Variants in DNAJC11 observed in about 807,000 individuals in gnomAD.
The protein encoded by DNAJC11 is DnaJ heat shock protein family (Hsp40) member C11.
Under a neutral mutation model 78.6 loss-of-function variants are expected in DNAJC11, and 15 were observed. That is an observed-to-expected ratio of 0.19 (90% CI 0.13 to 0.29). The LOEUF (loss-of-function observed/expected upper bound fraction) is 0.29, where lower values mean the gene tolerates loss of function less well. Among genes scored for constraint, DNAJC11 ranks in the 10% least tolerant of loss-of-function variants. The pLI is 1.00. For missense variants in DNAJC11, 547 were observed against 709.6 expected (o/e 0.77, Z 2.60); for synonymous variants, 292 against 272.1 (o/e 1.07, Z -0.72).
At chr1:6,676,661 C>T (rs969908224) in intron 3 of DNAJC11, among the ~76,000 whole-genome samples, 4 of 151,988 alleles carry the variant, frequency 2.6e-5, no homozygotes, top group African/African-American at 9.7e-5. Context: ...GCCTGGGCGA[C>T]AGAGCACGCG....
At chr1:6,675,883 G>C (rs1448546074) in intron 3 of DNAJC11, among the ~76,000 whole-genome samples, 1 of 152,180 alleles carries the variant, frequency 6.6e-6, no homozygotes, top group Non-Finnish European at 1.5e-5. Flanking sequence ...CCTAGTCTTT[G>C]AAGAGGGAAT....
At chr1:6,663,906 G>A (rs1642256462) in intron 4 of DNAJC11, among the ~76,000 whole-genome samples, 1 of 152,210 alleles carries the variant, frequency 6.6e-6, no homozygotes, top group African/African-American at 2.4e-5. Flanking sequence ...ATGCAGAAGG[G>A]ACTTGATCAA....
At chr1:6,682,705 A>G (rs1031757146) in intron 1 of DNAJC11, among the ~76,000 whole-genome samples, 2 of 152,204 alleles carry the variant, frequency 1.3e-5, no homozygotes, top group Admixed American at 1.3e-4. Flanking sequence ...AGGTGGGCAG[A>G]TTGCTTGAGC....
At chr1:6,654,697 C>T (rs1642101754) in intron 4 of DNAJC11, among the ~76,000 whole-genome samples, 1 of 152,094 alleles carries the variant, frequency 6.6e-6, no homozygotes, top group Admixed American at 6.5e-5. Flanking sequence ...TTATCTTAAT[C>T]CAGTATATAA....
At chr1:6,682,107 C>T (rs1358713407) in intron 1 of DNAJC11, among the ~76,000 whole-genome samples, 1 of 131,220 alleles carries the variant, frequency 7.6e-6, no homozygotes, top group African/African-American at 2.9e-5. Flanking sequence ...GCCTGGAACA[C>T]AGATCCTCAA....
chr1:6,680,892 C>A lies in DNAJC11; in HGVS notation c.202+16G>T. The A allele has an allele frequency of 6.2e-7, 1 of 1,610,230 alleles. No individual in the cohort carries two copies. Among genetic ancestry groups the A allele is most frequent in the East Asian group, 2.2e-5 (1 of 44,824 alleles). On this transcript the variant is annotated intron_variant, in intron 2 of 15. Transcript: ENST00000377577. The surrounding 1 kb of genome is among the most constrained non-coding windows in gnomAD (Gnocchi z 4.0). ...TGTTACCAGGATGTTTCTACAAAGT[C>A]CGGCCCTCCACTGACCTTCATAAGC...
Position 6,636,241 on chromosome 1 carries a change from C to T in DNAJC11, c.1530G>A (p.Gly510=), listed in dbSNP as rs780134969. ...KLILTEASKA[G]LPGFYDPCVG... Reference sequence around the variant, plus strand: ...CACACGGGTCATAAAAGCCAGGCAGCCCAGCCTGTAACAAACAAATTGCTA... The same window carrying T: ...CACACGGGTCATAAAAGCCAGGCAGTCCAGCCTGTAACAAACAAATTGCTA... Residue 510 remains glycine, a synonymous_variant, in exon 15 of 16, where the codon GGG becomes GGA. Transcript: ENST00000377577. 1.9e-6 allele frequency: 3 copies of T among 1,613,964 alleles called. No individual in the cohort carries two copies. Among genetic ancestry groups the T allele is most frequent in the Non-Finnish European group, 2.5e-6 (3 of 1,179,984 alleles).
At chr1:6,663,237 T>C (rs1336536068) in intron 4 of DNAJC11, among the ~76,000 whole-genome samples, 2 of 152,170 alleles carry the variant, frequency 1.3e-5, no homozygotes, top group East Asian at 1.9e-4. Context: ...TATTTTGTCA[T>C]AGGGTCAAAA....
intron 14 of DNAJC11, among the ~76,000 whole-genome samples, chr1:6,636,541 C>T (rs1641772183): frequency 6.6e-6 from 1 of 152,154 alleles, no homozygotes; most frequent in African/African-American, 2.4e-5. Context: ...TGCCCCAGGC[C>T]CCAGAGGCAA....
chr1:6,668,716 G>T (rs1158237050), intron 3 of DNAJC11, among the ~76,000 whole-genome samples: 1 of 151,982 alleles, frequency 6.6e-6, no homozygotes, highest in Non-Finnish European at 1.5e-5. Flanking sequence ...TTGCAGGCAC[G>T]AGCCACCATG....
intron 10 of DNAJC11, among the ~76,000 whole-genome samples, chr1:6,641,477 T>G (rs201525564): frequency 5.8e-5 from 4 of 68,858 alleles, no homozygotes; most frequent in African/African-American, 1.8e-4. Context: ...AAATAAATAG[T>G]AAGCATAAGA....
At position 6,667,729 on chromosome 1, in the gene DNAJC11, G is replaced by T. The variant is rs1642313822; in HGVS notation, c.358C>A (p.Gln120Lys). 1 of 1,614,110 alleles carries T rather than the reference G, an allele frequency of 6.2e-7. No individual in the cohort carries two copies. Among genetic ancestry groups the T allele is most frequent in the East Asian group, 2.2e-5 (1 of 44,878 alleles). The change falls in exon 4 of 16, where the codon CAG (glutamine) becomes AAG (lysine). Residue 120 changes from glutamine (Q) to lysine (K), a missense_variant. By Grantham distance (53) the Gln-to-Lys change is moderately conservative. Transcript: ENST00000377577. The part of the protein sequence containing the change: ...LQREREERRL[Q>K]QRTNPKGTIS... ...CTTACCTTGGGATTGGTTCGCTGCTGCAATCTCCTCTCTTCTCTCTCTCTC... is the reference window on the plus strand; with the variant it reads ...CTTACCTTGGGATTGGTTCGCTGCTTCAATCTCCTCTCTTCTCTCTCTCTC...
intron 7 of DNAJC11, among the ~76,000 whole-genome samples, chr1:6,646,683 G>C (rs1641971536): frequency 6.6e-6 from 1 of 152,078 alleles, no homozygotes; most frequent in African/African-American, 2.4e-5. Flanking sequence ...TCTTTCCAAG[G>C]GAGTCCAGCC....
At chr1:6,664,118 G>T (rs1006240975) in intron 4 of DNAJC11, among the ~76,000 whole-genome samples, 7 of 152,206 alleles carry the variant, frequency 4.6e-5, no homozygotes, top group Non-Finnish European at 8.8e-5. Flanking sequence ...TCCTTCCTGG[G>T]CACCATGGTG....
chr1:6,671,862 T>C lies in DNAJC11; in HGVS notation c.277-4052A>G, dbSNP rs189820075. Among the ~76,000 whole-genome samples the C allele has an allele frequency of 1.1e-3, 172 of 152,158 alleles. 1 individual carries two copies. Among genetic ancestry groups the C allele is most frequent in the Admixed American group, 1.6e-3 (24 of 15,276 alleles). ...AATATTTTATTTTTTTGAGACAGAGTCTTGCTTTGTCACCTAGACTGGAGT... is the reference window on the plus strand; with the variant it reads ...AATATTTTATTTTTTTGAGACAGAGCCTTGCTTTGTCACCTAGACTGGAGT... On this transcript the variant is annotated intron_variant, in intron 3 of 15. Coordinates refer to ENST00000377577, the MANE Select transcript of DNAJC11 (RefSeq NM_018198.4).
Position 6,637,442 on chromosome 1 carries a change from C to T in DNAJC11, c.1381+5G>A. The T allele has an allele frequency of 1.2e-6, 2 of 1,614,248 alleles. No individual in the cohort carries two copies. The highest frequency in any genetic ancestry group is 1.7e-6 in the Non-Finnish European group (2 of 1,180,038). ...CCTGGACCAAGAGAGGACACATGTT[C>T]TCACCCATTCTGGACTCTTCTGCCT... On this transcript the variant is annotated splice_donor_5th_base_variant and intron_variant, in intron 13 of 15. Transcript: ENST00000377577.
At position 6,655,615 on chromosome 1, in the gene DNAJC11, G is replaced by A. The variant is rs144080706; in HGVS notation, c.379-1576C>T. ...AGGGAGTGGGATCACCTGAGGTCAGGAGTTCGAGACCAGCCTGGCCAACGT... is the reference window on the plus strand; with the variant it reads ...AGGGAGTGGGATCACCTGAGGTCAGAAGTTCGAGACCAGCCTGGCCAACGT... On this transcript the variant is annotated intron_variant, in intron 4 of 15. Transcript: ENST00000377577. Among the ~76,000 whole-genome samples the A allele has an allele frequency of 3.1e-3, 477 of 152,222 alleles. 2 individuals are homozygous for A. Among genetic ancestry groups the A allele is most frequent in the African/African-American group, 0.011 (459 of 41,548 alleles).
In DNAJC11 at chr1:6,694,331, T is replaced by C. The variant is rs544816065; in HGVS notation, c.72+7398A>G. 3.9e-5 allele frequency among the ~76,000 whole-genome samples: 6 copies of C among 152,296 alleles called. No homozygotes were observed. In the East Asian group the frequency reaches 1.2e-3, roughly 29 times the overall value. On this transcript the variant is annotated intron_variant, in intron 1 of 15. Transcript: ENST00000377577. ...GACAGTGGATTTGCAGACCAAATCA[T>C]GTCCCCATGGCCACTTTTACTTCTT... is the stretch of plus-strand genomic sequence containing the variant.
chr1:6,681,007 G>A lies in DNAJC11; in HGVS notation c.103C>T (p.Arg35Trp), dbSNP rs778516519. The A allele has an allele frequency of 3.6e-5, 58 of 1,613,412 alleles. No individual in the cohort carries two copies. The highest frequency in any genetic ancestry group is 2.4e-4 in the South Asian group (22 of 91,052). ...GGATGGTAGAGCATACAGAGCCTCC[G>A]GTAGGCAGCTTTCAGCTCTTCAGAA... The part of the protein sequence containing the change: ...ASSEELKAAY[R>W]RLCMLYHPDK... Residue 35 changes from arginine (R) to tryptophan (W), a missense_variant, in exon 2 of 16, where the codon CGG (arginine) becomes TGG (tryptophan). Coordinates refer to ENST00000377577, the MANE Select transcript of DNAJC11 (RefSeq NM_018198.4).
Sources: allele counts gnomAD v4.1 joint callset (sites outside exome capture counted in the v4.1 genomes callset), GRCh38; gene constraint gnomAD v4.1.1; non-coding constraint Gnocchi (gnomAD v3.1); transcripts MANE v1.5; gene names NCBI Gene and HGNC (gene_info 2026-07-23, HGNC 2026-07-21).